OR9Q1: variants seen among roughly 807,000 people sequenced by gnomAD.
OR9Q1 encodes the protein olfactory receptor 9Q1.
For synonymous variants in OR9Q1, 153 were observed against 148.6 expected (o/e 1.03, Z -0.22); for missense variants, 374 against 378.8 (o/e 0.99, Z 0.11).
At chr11:58,120,027 C>T (rs372570282) in intron 2 of OR9Q1, among the ~76,000 whole-genome samples, 23 of 152,204 alleles carry the variant, frequency 1.5e-4, no homozygotes, top group African/African-American at 4.6e-4. Context: ...ATATATTTTC[C>T]GTCTTACTAT....
chr11:58,138,109 T>C (rs1854206437), intron 2 of OR9Q1, among the ~76,000 whole-genome samples: 1 of 152,154 alleles, frequency 6.6e-6, no homozygotes, highest in Non-Finnish European at 1.5e-5. Flanking sequence ...ACATGCTCTC[T>C]CTGGCTCATC....
At chr11:58,156,627 T>A (rs1854410583) in intron 2 of OR9Q1, among the ~76,000 whole-genome samples, 1 of 152,230 alleles carries the variant, frequency 6.6e-6, no homozygotes, top group African/African-American at 2.4e-5. Flanking sequence ...AACATGTATT[T>A]TCTTTATGAT....
intron 2 of OR9Q1, 87 bp from the exon 3 acceptor site, chr11:58,179,344 C>G (rs1175857236): frequency 1.2e-6 from 1 of 845,126 alleles, no homozygotes; most frequent in Non-Finnish European, 1.9e-6. Flanking sequence ...ATTTTGTCCA[C>G]AGTACATTTT....
Position 58,053,555 on chromosome 11 carries a change from A to G in OR9Q1, c.-92-2315A>G, listed in dbSNP as rs1853290381. Among the ~76,000 whole-genome samples, 5 of 148,060 alleles carry G rather than the reference A, an allele frequency of 3.4e-5. No individual in the cohort carries two copies. The Admixed American group carries it at 3.4e-4, about 10-fold the overall frequency. On this transcript the variant is annotated intron_variant, in intron 1 of 2. Coordinates refer to ENST00000335397, the MANE Select transcript of OR9Q1 (RefSeq NM_001005212.4). ...ATGGCACATGTATACATATGTCACT[A>G]ACCTGCACATTGTGCACATGTACCC... is the stretch of plus-strand genomic sequence containing the variant.
At chr11:58,031,264 G>A in intron 1 of OR9Q1, 1 of 1,614,174 alleles carries the variant, frequency 6.2e-7, no homozygotes, top group South Asian at 1.1e-5. Flanking sequence ...GCCTATCCCA[G>A]CTCTTCATCT....
Position 58,118,566 on chromosome 11 carries a change from T to A in OR9Q1, c.-14-60865T>A, listed in dbSNP as rs780727983. On this transcript the variant is annotated intron_variant, in intron 2 of 2. Coordinates refer to ENST00000335397, the MANE Select transcript of OR9Q1 (RefSeq NM_001005212.4). ...TGAAGGCGTCTTTTACATCTTTGTT[T>A]CTTAAGCTGTAGATCAGAGGGTTCA... 9.9e-6 allele frequency: 16 copies of A among 1,613,942 alleles called. No homozygotes were observed. In the South Asian group the frequency reaches 1.8e-4, roughly 18 times the overall value.
intron 2 of OR9Q1, among the ~76,000 whole-genome samples, chr11:58,095,498 A>G (rs986176645): frequency 1.3e-5 from 2 of 152,178 alleles, no homozygotes; most frequent in East Asian, 3.9e-4. Context: ...GGTTTAATTG[A>G]CTCACAGTTC....
At chr11:58,070,220 T>A (rs1853474109) in intron 2 of OR9Q1, among the ~76,000 whole-genome samples, 2 of 151,932 alleles carry the variant, frequency 1.3e-5, no homozygotes, top group Admixed American at 1.3e-4. Flanking sequence ...TTCACCATGT[T>A]GGCCAGGCTG....
intron 1 of OR9Q1, among the ~76,000 whole-genome samples, chr11:58,042,364 G>C (rs11229226): frequency 0.015 from 2,265 of 151,874 alleles, 32 homozygotes; most frequent in South Asian, 0.066. Context: ...TTCTACATAT[G>C]GCTAGCCAGT....
At chr11:58,028,908 G>A (rs1853002320) in intron 1 of OR9Q1, among the ~76,000 whole-genome samples, 1 of 152,168 alleles carries the variant, frequency 6.6e-6, no homozygotes, top group Middle Eastern at 3.2e-3. Flanking sequence ...TATTTATAGG[G>A]GAAAGAGCAA....
chr11:58,058,201 A>T (rs577286210), intron 2 of OR9Q1, among the ~76,000 whole-genome samples: 2 of 152,336 alleles, frequency 1.3e-5, no homozygotes, highest in African/African-American at 4.8e-5. Context: ...TCAGAGCAGG[A>T]CATCAAGTTC....
At chr11:58,142,981 C>T (rs1854265059) in intron 2 of OR9Q1, among the ~76,000 whole-genome samples, 1 of 152,158 alleles carries the variant, frequency 6.6e-6, no homozygotes, top group Admixed American at 6.6e-5. Flanking sequence ...TGGCAGGCAA[C>T]AGGCTATAGA....
At chr11:58,053,634 A>ATATATATAAATTATATATATAT (rs1554965516) in intron 1 of OR9Q1, among the ~76,000 whole-genome samples, 1 of 144,676 alleles carries the variant, frequency 6.9e-6, no homozygotes, top group African/African-American at 2.5e-5. Flanking sequence ...TATAAAATAT[A>ATATATATAAATTATATATATAT]TATATATATA....
At chr11:58,140,717 G>A (rs1854239136) in intron 2 of OR9Q1, among the ~76,000 whole-genome samples, 1 of 152,194 alleles carries the variant, frequency 6.6e-6, no homozygotes, top group South Asian at 2.1e-4. Context: ...AAGTCAGGTA[G>A]CGTGATGCCT....
chr11:58,177,067 T>G (rs1167608121), intron 2 of OR9Q1, among the ~76,000 whole-genome samples: 1 of 152,164 alleles, frequency 6.6e-6, no homozygotes. Context: ...TTTTTCCCAA[T>G]AGGTCAGTCT....
At chr11:58,118,045 C>G (rs1363775471) in intron 2 of OR9Q1, 1 of 154,058 alleles carries the variant, frequency 6.5e-6, no homozygotes, top group Non-Finnish European at 1.4e-5. Flanking sequence ...GGTGATCAGT[C>G]CTTCATATTA....
intron 2 of OR9Q1, among the ~76,000 whole-genome samples, chr11:58,056,709 A>T (rs1245563239): frequency 2.6e-5 from 4 of 152,114 alleles, no homozygotes; most frequent in Admixed American, 6.6e-5. Context: ...TACTGAGAAA[A>T]TTTTTGACCC....
chr11:58,118,176 T>G (rs1853977527), intron 2 of OR9Q1: 1 of 193,074 alleles, frequency 5.2e-6, no homozygotes. Flanking sequence ...AGCCCAGGCA[T>G]GAGTTGAGAG....
At chr11:58,081,579 C>T (rs1853587494) in intron 2 of OR9Q1, among the ~76,000 whole-genome samples, 1 of 152,108 alleles carries the variant, frequency 6.6e-6, no homozygotes, top group Non-Finnish European at 1.5e-5. Flanking sequence ...TGATGATGAG[C>T]TTGTTTTCAT....
Sources: allele counts gnomAD v4.1 joint callset (sites outside exome capture counted in the v4.1 genomes callset), GRCh38; gene constraint gnomAD v4.1.1; transcripts MANE v1.5; gene names NCBI Gene and HGNC (gene_info 2026-07-23, HGNC 2026-07-21).